The following TP63 variants were observed in gnomAD, a reference collection of about 807,000 sequenced individuals.
TP63 encodes tumor protein 63.
Under a neutral mutation model 82.8 loss-of-function variants are expected in TP63, and 17 were observed. The ratio of observed to expected loss-of-function variants is 0.21; its 90% CI spans 0.14 to 0.31. TP63 has a LOEUF of 0.31. Ranked by LOEUF, TP63 falls within the 10% of genes least tolerant of loss-of-function variation. TP63 has a pLI of 1.00. For missense variants in TP63, 648 were observed against 895.3 expected (o/e 0.72, Z 3.52); for synonymous variants, 330 against 321.7 (o/e 1.03, Z -0.28).
the TP63 span, among the ~76,000 whole-genome samples, chr3:189,599,901 G>T: frequency 6.6e-6 from 1 of 151,984 alleles, no homozygotes; most frequent in Non-Finnish European, 1.5e-5. Context: ...TTTCCTCAAC[G>T]AGTCAAACAC....
At chr3:189,726,079 GTCA>G (rs965072138) in intron 1 of TP63, among the ~76,000 whole-genome samples, 7 of 152,042 alleles carry the variant, frequency 4.6e-5, no homozygotes, top group Non-Finnish European at 7.4e-5. Flanking sequence ...GGAATATTTT[GTCA>G]TCATTGCTAG....
At chr3:189,760,677 A>G (rs1223790335) in intron 3 of TP63, among the ~76,000 whole-genome samples, 3 of 152,186 alleles carry the variant, frequency 2.0e-5, no homozygotes, top group Admixed American at 1.3e-4. Flanking sequence ...TCTGGAGAAC[A>G]CTGGCCCTCT....
the TP63 span, among the ~76,000 whole-genome samples, chr3:189,620,624 G>A: frequency 1.3e-5 from 2 of 152,046 alleles, no homozygotes; most frequent in Non-Finnish European, 2.9e-5. Context: ...ATTTGTCCAG[G>A]CTAATGAGGC....
At chr3:189,749,941 G>A (rs62279906) in intron 3 of TP63, among the ~76,000 whole-genome samples, 7,461 of 151,992 alleles carry the variant, frequency 0.049, 252 homozygotes, top group South Asian at 0.1. Flanking sequence ...GGCTAACAAG[G>A]TGAAACCCCG....
At chr3:189,602,419 CAT>C in the TP63 span, among the ~76,000 whole-genome samples, 1 of 152,058 alleles carries the variant, frequency 6.6e-6, no homozygotes, top group African/African-American at 2.4e-5. Flanking sequence ...TTGGTCTTCT[CAT>C]ATGTGTTGAA....
At chr3:189,890,522 A>G (rs1720907637) in intron 12 of TP63, among the ~76,000 whole-genome samples, 1 of 152,094 alleles carries the variant, frequency 6.6e-6, no homozygotes, top group Admixed American at 6.6e-5. Context: ...CTTACACAGA[A>G]CCCTAGAATT....
At position 189,896,338 on chromosome 3, in the gene TP63, CT is replaced by C. The variant is rs1414865135; in HGVS notation, c.*1843del. 1.9e-5 allele frequency: 4 copies of C among 208,086 alleles called. No individual in the cohort carries two copies. Among genetic ancestry groups the C allele is most frequent in the Non-Finnish European group, 2.9e-5 (3 of 102,356 alleles). The allele number at this position is 208,086 out of a possible 1,614,324, so 12.9% of individuals were successfully genotyped here. On this transcript the variant is annotated 3_prime_UTR_variant, in exon 14 of 14. Transcript: ENST00000264731. ...GGATTTCCAGAACCACACTTGAAACCTTTTTTTATCGTTTTTGTATTTTCAT... is the reference window on the plus strand; with the variant it reads ...GGATTTCCAGAACCACACTTGAAACCTTTTTTATCGTTTTTGTATTTTCAT...
chr3:189,740,598 C>T (rs1010290271), intron 3 of TP63, among the ~76,000 whole-genome samples: 6 of 152,052 alleles, frequency 3.9e-5, no homozygotes, highest in Non-Finnish European at 7.4e-5. Context: ...CTCCTGGGTT[C>T]AAGCGATTCT....
At chr3:189,645,317 T>C in intron 1 of TP63, 2 of 505,458 alleles carry the variant, frequency 4.0e-6, no homozygotes, top group Non-Finnish European at 3.8e-6. Context: ...CTTTGGTTCC[T>C]TTTCCACTTT....
chr3:189,757,408 T>G (rs949451455), intron 3 of TP63, among the ~76,000 whole-genome samples: 1 of 152,200 alleles, frequency 6.6e-6, no homozygotes, highest in African/African-American at 2.4e-5. Flanking sequence ...AGTTTTCTCA[T>G]CTGCAAAACA....
At chr3:189,731,716 T>C (rs1445847583) in intron 1 of TP63, among the ~76,000 whole-genome samples, 1 of 152,202 alleles carries the variant, frequency 6.6e-6, no homozygotes, top group Non-Finnish European at 1.5e-5. Context: ...TGTAAGACAG[T>C]TAATCCAAGA....
intron 3 of TP63, among the ~76,000 whole-genome samples, chr3:189,796,704 CT>C (rs1200019251): frequency 2.6e-5 from 4 of 152,148 alleles, no homozygotes; most frequent in Admixed American, 2.6e-4. Context: ...TCTGTAAAAT[CT>C]TTTCAAAAGT....
At chr3:189,765,298 C>T (rs991604148) in intron 3 of TP63, among the ~76,000 whole-genome samples, 16 of 151,670 alleles carry the variant, frequency 1.1e-4, no homozygotes, top group African/African-American at 3.4e-4. Flanking sequence ...AATGTATCCC[C>T]GTATATTGTT....
chr3:189,649,604 A>G (rs564000628), intron 1 of TP63, among the ~76,000 whole-genome samples: 1 of 146,982 alleles, frequency 6.8e-6, no homozygotes, highest in Non-Finnish European at 1.5e-5. Context: ...ACCAACTTGC[A>G]CATGTACCCC....
intron 4 of TP63, among the ~76,000 whole-genome samples, chr3:189,822,148 G>A (rs1728862180): frequency 6.6e-6 from 1 of 152,098 alleles, no homozygotes; most frequent in Non-Finnish European, 1.5e-5. Flanking sequence ...TTATTGGTAG[G>A]ATTTGATATA....
intron 1 of TP63, among the ~76,000 whole-genome samples, chr3:189,668,085 G>A (rs1316951047): frequency 1.3e-5 from 2 of 151,954 alleles, no homozygotes; most frequent in African/African-American, 4.8e-5. Flanking sequence ...AAATTAAGCC[G>A]TAGCAAGTTA....
chr3:189,872,282 A>T (rs751001879), intron 9 of TP63, among the ~76,000 whole-genome samples: 4 of 151,962 alleles, frequency 2.6e-5, no homozygotes, highest in Non-Finnish European at 5.9e-5. Context: ...ATAATATATC[A>T]CTTCGTTTGT....
intron 3 of TP63, among the ~76,000 whole-genome samples, chr3:189,764,673 A>T (rs964288914): frequency 6.6e-5 from 10 of 151,806 alleles, no homozygotes; most frequent in African/African-American, 1.2e-4. Flanking sequence ...CTTGTAGATT[A>T]AAAAAAATAG....
At chr3:189,773,985 C>T (rs575458182) in intron 3 of TP63, among the ~76,000 whole-genome samples, 19 of 141,944 alleles carry the variant, frequency 1.3e-4, no homozygotes, top group African/African-American at 1.9e-4. Context: ...TGCAGTGGCA[C>T]GATCTTGGCT....
Sources: gnomAD v4.1 joint callset for allele counts (sites outside exome capture counted in the v4.1 genomes callset) on GRCh38, gnomAD v4.1.1 for gene constraint, MANE v1.5 for transcripts, NCBI Gene and HGNC (gene_info 2026-07-23, HGNC 2026-07-21) for gene names.